Variants in MSI2 observed in about 807,000 individuals in gnomAD.
MSI2 encodes the protein RNA-binding protein Musashi homolog 2.
In MSI2, 17 loss-of-function variants were observed where a neutral mutation model predicts 45.6. The observed-to-expected ratio is 0.37, with a 90% CI of 0.26 to 0.56. MSI2 has a LOEUF of 0.56. MSI2 is among the 20% of genes least tolerant of loss of function. MSI2 has a pLI of 0.77. For missense variants in MSI2, 293 were observed against 444.2 expected, an observed-to-expected ratio of 0.66 and a Z score of 3.06; for synonymous variants, 156 against 158.2, an observed-to-expected ratio of 0.99 and a Z score of 0.11.
chr17:57,311,409 C>T (rs952533161), intron 5 of MSI2, among the ~76,000 whole-genome samples: 3 of 152,190 alleles, frequency 2.0e-5, no homozygotes, highest in Non-Finnish European at 2.9e-5. Context: ...AGCAGTTCTA[C>T]ATGCGGTAAA....
At chr17:57,570,743 T>G (rs889527651) in intron 7 of MSI2, among the ~76,000 whole-genome samples, 1 of 152,218 alleles carries the variant, frequency 6.6e-6, no homozygotes, top group African/African-American at 2.4e-5. Context: ...CCACTGCAAT[T>G]GCTCATATGG....
At chr17:57,537,668 A>AATTCCGGAAGCGCCC in intron 7 of MSI2, among the ~76,000 whole-genome samples, 1 of 152,184 alleles carries the variant, frequency 6.6e-6, no homozygotes, top group South Asian at 2.1e-4. Context: ...GAGTTAACTC[A>AATTCCGGAAGCGCCC]ATTCCGGAAG....
At chr17:57,646,759 C>T (rs905944377) in intron 10 of MSI2, among the ~76,000 whole-genome samples, 2 of 152,178 alleles carry the variant, frequency 1.3e-5, no homozygotes, top group African/African-American at 4.8e-5. Flanking sequence ...AAGATGGTTC[C>T]CACAAGCCGT....
Position 57,428,090 on chromosome 17 carries a change from C to T in MSI2, c.405+26619C>T, listed in dbSNP as rs1443207215. Among the ~76,000 whole-genome samples, 5 of 152,140 alleles carry T rather than the reference C, an allele frequency of 3.3e-5. No individual in the cohort carries two copies. The East Asian group carries it at 9.6e-4, about 29-fold the overall frequency. ...CGTGAGCAAAGGAATGTTTGTATAT[C>T]AGTGCTTTGATATACATGTTAGTGG... On this transcript the variant is annotated intron_variant, in intron 6 of 13. Coordinates refer to ENST00000284073, the MANE Select transcript of MSI2 (RefSeq NM_138962.4).
chr17:57,604,932 C>G (rs1007496853), intron 8 of MSI2, among the ~76,000 whole-genome samples: 2 of 147,782 alleles, frequency 1.4e-5, no homozygotes, highest in Non-Finnish European at 3.0e-5. Context: ...AGTCGGGAAC[C>G]AGCCCAAAAG....
chr17:57,284,045 G>A (rs998526334), intron 5 of MSI2, among the ~76,000 whole-genome samples: 1 of 152,188 alleles, frequency 6.6e-6, no homozygotes, highest in African/African-American at 2.4e-5. Flanking sequence ...TCTCAACAGG[G>A]AAGCCCATTG....
chr17:57,291,045 A>G (rs1910375216), intron 5 of MSI2, among the ~76,000 whole-genome samples: 1 of 152,216 alleles, frequency 6.6e-6, no homozygotes, highest in Admixed American at 6.5e-5. Flanking sequence ...AGATGAGGGA[A>G]GACTTGTCTC....
chr17:57,287,708 C>G (rs899636835), intron 5 of MSI2, among the ~76,000 whole-genome samples: 3 of 152,212 alleles, frequency 2.0e-5, no homozygotes, highest in Non-Finnish European at 2.9e-5. Context: ...AAACTGCACA[C>G]CTGGCCGGCC....
intron 7 of MSI2, among the ~76,000 whole-genome samples, chr17:57,580,260 C>T (rs1255246967): frequency 6.6e-6 from 1 of 152,234 alleles, no homozygotes; most frequent in East Asian, 1.9e-4. Flanking sequence ...TCATCTTCCT[C>T]CTCTGGGAAG....
intron 6 of MSI2, among the ~76,000 whole-genome samples, chr17:57,502,141 G>C (rs1342947000): frequency 6.6e-6 from 1 of 152,162 alleles, no homozygotes; most frequent in East Asian, 1.9e-4. Context: ...CCCCAGGGGA[G>C]AGAGAATGAG....
rs116283281 is a variant in MSI2 at position 57,316,605 on chromosome 17, C to T, written c.312+54413C>T. The stretch of plus-strand genomic sequence containing the variant: ...CCTCCTGAAGTGCTGGGATTACAGG[C>T]GTGAGCCGCTGCTCCCAGTCCATTC... On this transcript the variant is annotated intron_variant, in intron 5 of 13. Coordinates refer to ENST00000284073, the MANE Select transcript of MSI2 (RefSeq NM_138962.4). Among the ~76,000 whole-genome samples the T allele has an allele frequency of 7.0e-3, 1,073 of 152,336 alleles. 9 individuals carry two copies. The highest frequency in any genetic ancestry group is 0.023 in the African/African-American group (964 of 41,564).
At chr17:57,315,141 G>A (rs1912749631) in intron 5 of MSI2, among the ~76,000 whole-genome samples, 1 of 152,176 alleles carries the variant, frequency 6.6e-6, no homozygotes, top group Admixed American at 6.5e-5. Context: ...AAGCAGGGGT[G>A]CGATGTGGGG....
chr17:57,679,698 C>A lies in MSI2; in HGVS notation c.*181C>A. 2.9e-6 allele frequency: 2 copies of A among 692,416 alleles called. No homozygotes were observed. The highest frequency in any genetic ancestry group is 1.9e-5 in the African/African-American group (1 of 54,018). The allele number at this position is 692,416 out of a possible 1,614,324, so 42.9% of individuals were successfully genotyped here. A position where few individuals can be genotyped will look rare whatever the true frequency, so the allele number is the denominator to read the frequency against. ...GGATCGAGGGTTGACTACATCTCAT[C>A]ATCTCACGAATCTGCTGTAATATAA... On this transcript the variant is annotated 3_prime_UTR_variant, in exon 14 of 14. Transcript: ENST00000284073.
intron 5 of MSI2, among the ~76,000 whole-genome samples, chr17:57,310,722 C>G (rs563060167): frequency 6.6e-6 from 1 of 152,252 alleles, no homozygotes; most frequent in African/African-American, 2.4e-5. Flanking sequence ...CTCAGTTTAC[C>G]TACCAGTGCC....
chr17:57,373,892 C>G lies in MSI2; in HGVS notation c.313-27487C>G, dbSNP rs375055644. ...TTAAAGTACAGAATATACTACTTTC[C>G]CTTTCATACCTAGCTGCAAGGGAAC... On this transcript the variant is annotated intron_variant, in intron 5 of 13. Transcript: ENST00000284073. 5.3e-5 allele frequency among the ~76,000 whole-genome samples: 8 copies of G among 152,298 alleles called. No homozygotes were observed. In the South Asian group the frequency reaches 1.7e-3, roughly 32 times the overall value.
At chr17:57,474,580 G>A (rs1302215006) in intron 6 of MSI2, among the ~76,000 whole-genome samples, 1 of 152,152 alleles carries the variant, frequency 6.6e-6, no homozygotes, top group East Asian at 1.9e-4. Context: ...AGGTCCCCTG[G>A]AAAGCAAAAT....
At chr17:57,358,308 T>C (rs535332154) in intron 5 of MSI2, among the ~76,000 whole-genome samples, 9 of 152,238 alleles carry the variant, frequency 5.9e-5, no homozygotes, top group Non-Finnish European at 5.9e-5. Context: ...ATTCATGGGC[T>C]GAAGCTGGCT....
At chr17:57,610,453 A>ACCACCAGCAGCAAAGACAGAGAAG (rs1907142615) in intron 8 of MSI2, among the ~76,000 whole-genome samples, 595 of 44,124 alleles carry the variant, frequency 0.013, 116 homozygotes, top group Non-Finnish European at 0.021. Context: ...CTCCGTCTAA[A>ACCACCAGCAGCAAAGACAGAGAAG]AAAAAAAAAA....
chr17:57,577,483 T>A (rs1242427984), intron 7 of MSI2, among the ~76,000 whole-genome samples: 2 of 152,204 alleles, frequency 1.3e-5, no homozygotes, highest in African/African-American at 4.8e-5. Context: ...TAAAATTATA[T>A]CTTTAAGCCC....
Sources: allele counts gnomAD v4.1 joint callset (sites outside exome capture counted in the v4.1 genomes callset), GRCh38; gene constraint gnomAD v4.1.1; transcripts MANE v1.5; gene names NCBI Gene and HGNC (gene_info 2026-07-23, HGNC 2026-07-21).